Variants in RBM46 observed in about 807,000 individuals in gnomAD.
RBM46 encodes the protein probable RNA-binding protein 46.
Under a neutral mutation model 43.3 loss-of-function variants are expected in RBM46, and 12 were observed. The observed-to-expected ratio is 0.28, with a 90% CI of 0.18 to 0.45. RBM46 has a LOEUF of 0.45. Among genes scored for constraint, RBM46 ranks in the 20% least tolerant of loss-of-function variants. RBM46 has a pLI of 1.00. For missense variants in RBM46, 412 were observed against 639.1 expected, an observed-to-expected ratio of 0.64 and a Z score of 3.83; for synonymous variants, 205 against 207.6, an observed-to-expected ratio of 0.99 and a Z score of 0.11.
chr4:154,808,566 G>A (rs565094957), intron 4 of RBM46, among the ~76,000 whole-genome samples: 8 of 151,990 alleles, frequency 5.3e-5, no homozygotes, highest in South Asian at 2.1e-4. Context: ...GTATGTGGAC[G>A]GCTTTTTTTT....
At chr4:154,797,080 A>G (rs1734391046) in intron 2 of RBM46, among the ~76,000 whole-genome samples, 177 bp downstream of exon 2, 1 of 151,578 alleles carries the variant, frequency 6.6e-6, no homozygotes, top group Admixed American at 6.6e-5. Context: ...TTACCATTAC[A>G]TTTTTTCAGC....
chr4:154,827,169 A>G, intron 4 of RBM46: 1 of 916,148 alleles, frequency 1.1e-6, no homozygotes, highest in African/African-American at 1.8e-5. Flanking sequence ...AGTATTTCAA[A>G]TGTTATTTTT....
intron 1 of RBM46, among the ~76,000 whole-genome samples, chr4:154,793,754 G>A (rs1030619239): frequency 2.0e-5 from 3 of 152,160 alleles, no homozygotes; most frequent in African/African-American, 7.2e-5. Flanking sequence ...TAGGCAAGCT[G>A]GATTCTCTTG....
chr4:154,797,784 A>G (rs1053639097), intron 2 of RBM46, 27 bp from the exon 3 acceptor site: 14 of 1,383,818 alleles, frequency 1.0e-5, no homozygotes, highest in Non-Finnish European at 1.2e-5. Flanking sequence ...ATTAGAATTT[A>G]TGTGTCTTTT....
At chr4:154,820,304 C>G in intron 4 of RBM46, 2 of 1,124,376 alleles carry the variant, frequency 1.8e-6, no homozygotes, top group East Asian at 5.6e-5. Flanking sequence ...CATGCACTTC[C>G]AAGATAGGGA....
intron 1 of RBM46, among the ~76,000 whole-genome samples, chr4:154,790,930 A>T (rs1353041823): frequency 6.6e-6 from 1 of 152,218 alleles, no homozygotes; most frequent in African/African-American, 2.4e-5. Context: ...TGTTGACAGC[A>T]TGCTGAATTT....
chr4:154,819,602 A>G (rs1488946970), intron 4 of RBM46, among the ~76,000 whole-genome samples: 1 of 152,150 alleles, frequency 6.6e-6, no homozygotes, highest in Non-Finnish European at 1.5e-5. Flanking sequence ...AGTGTTACCT[A>G]GTTCATCATG....
At chr4:154,816,332 A>G (rs75907861) in intron 4 of RBM46, among the ~76,000 whole-genome samples, 3,069 of 152,156 alleles carry the variant, frequency 0.02, 97 homozygotes, top group African/African-American at 0.07. Flanking sequence ...TTTGGGAACA[A>G]TAACATTTTT....
intron 1 of RBM46, among the ~76,000 whole-genome samples, chr4:154,788,114 A>C (rs1286729866): frequency 6.6e-6 from 1 of 151,944 alleles, no homozygotes; most frequent in Non-Finnish European, 1.5e-5. Flanking sequence ...AGATTGTAAA[A>C]ATTTTCTCCC....
intron 4 of RBM46, among the ~76,000 whole-genome samples, chr4:154,824,941 GT>G (rs2111221938): frequency 6.6e-6 from 1 of 152,160 alleles, no homozygotes; most frequent in African/African-American, 2.4e-5. Flanking sequence ...TTTATATCTT[GT>G]TTTGAGTATC....
At chr4:154,801,221 C>A (rs535707662) in intron 4 of RBM46, among the ~76,000 whole-genome samples, 1 of 152,108 alleles carries the variant, frequency 6.6e-6, no homozygotes, top group African/African-American at 2.4e-5. Context: ...TCAGGCGACC[C>A]GCCCTCCTCA....
chr4:154,799,043 A>C lies in RBM46; in HGVS notation c.881A>C (p.Lys294Thr). The change falls in exon 4 of 5, where the codon AAA becomes ACA. Residue 294 changes from lysine to threonine, a missense_variant. Around this residue, in one of 8 missense-constraint regions of RBM46, gnomAD observed 105 missense variants for 111.0 expected, o/e 0.95. Transcript: ENST00000281722. ...AVAAMSVMNG[K>T]CIDGASIEVT... ...GCTGCCATGTCTGTTATGAATGGAAAATGCATTGATGGAGCAAGTATTGAG... is the reference window on the plus strand; with the variant it reads ...GCTGCCATGTCTGTTATGAATGGAACATGCATTGATGGAGCAAGTATTGAG... The C allele has an allele frequency of 6.2e-7, 1 of 1,614,176 alleles. No individual in the cohort carries two copies. The highest frequency in any genetic ancestry group is 1.1e-5 in the South Asian group (1 of 91,080).
At chr4:154,826,150 A>T (rs1216262125) in intron 4 of RBM46, among the ~76,000 whole-genome samples, 15 of 77,400 alleles carry the variant, frequency 1.9e-4, no homozygotes, top group African/African-American at 5.7e-4. Flanking sequence ...GGATCCTTTT[A>T]AAAAAAAAAA....
rs1736068963 is a variant in RBM46 at position 154,828,451 on chromosome 4, T to C, written c.*384T>C. 1 of 205,562 alleles carries C rather than the reference T, an allele frequency of 4.9e-6. No homozygotes were observed. The highest frequency in any genetic ancestry group is 9.8e-6 in the Non-Finnish European group (1 of 101,852). The allele number at this position is 205,562 out of a possible 1,614,324, so 12.7% of individuals were successfully genotyped here. ...CTTGAAGACAATGGTTATAGTAGAT[T>C]TGATTACCAAGGATCACTATCTGTA... On this transcript the variant is annotated 3_prime_UTR_variant, in exon 5 of 5. Coordinates refer to ENST00000281722, the MANE Select transcript of RBM46 (RefSeq NM_144979.5).
At chr4:154,781,690 A>C (rs1236200571) in intron 1 of RBM46, 1 of 152,384 alleles carries the variant, frequency 6.6e-6, no homozygotes, top group African/African-American at 2.4e-5. Context: ...CCCAGCGGCC[A>C]GTCTCTTTGG....
chr4:154,818,013 C>T (rs1735539689), intron 4 of RBM46, among the ~76,000 whole-genome samples: 1 of 151,864 alleles, frequency 6.6e-6, no homozygotes, highest in Non-Finnish European at 1.5e-5. Flanking sequence ...TACACTTTGA[C>T]TTCTTTCATT....
intron 1 of RBM46, among the ~76,000 whole-genome samples, chr4:154,784,418 G>T (rs573245627): frequency 1.1e-4 from 16 of 152,236 alleles, no homozygotes; most frequent in African/African-American, 3.9e-4. Flanking sequence ...TTGTTAAGAA[G>T]GTTAAAATTA....
chr4:154,824,742 T>G (rs2111221272), intron 4 of RBM46, among the ~76,000 whole-genome samples: 1 of 152,166 alleles, frequency 6.6e-6, no homozygotes, highest in South Asian at 2.1e-4. Context: ...TTGGTAAAAA[T>G]TAATTCAAAT....
chr4:154,807,358 A>G (rs1001317906), intron 4 of RBM46, among the ~76,000 whole-genome samples: 2 of 151,620 alleles, frequency 1.3e-5, no homozygotes, highest in African/African-American at 4.8e-5. Flanking sequence ...TTTTAGAATC[A>G]GAAAAATCTC....
Sources: allele counts gnomAD v4.1 joint callset (sites outside exome capture counted in the v4.1 genomes callset), GRCh38; gene constraint gnomAD v4.1.1; regional missense constraint gnomAD v4.1.1; transcripts MANE v1.5; gene names NCBI Gene and HGNC (gene_info 2026-07-23, HGNC 2026-07-21).